Variants in DMD observed in about 807,000 individuals in gnomAD.
DMD encodes dystrophin, also known as mutant dystrophin.
Under a neutral mutation model 330.1 loss-of-function variants are expected in DMD, and 63 were observed. That is an observed-to-expected ratio of 0.19 (90% CI 0.16 to 0.24). The LOEUF (loss-of-function observed/expected upper bound fraction) is 0.24. DMD is among the 10% of genes least tolerant of loss of function. The pLI is 1.00. For missense variants in DMD, 3,344 were observed against 2,684.1 expected (o/e 1.25, Z -5.43); for synonymous variants, 1,223 against 959.8 (o/e 1.27, Z -5.07).
At chrX:31,938,506 T>C (rs2094952261) in intron 45 of DMD, among the ~76,000 whole-genome samples, 1 of 112,016 alleles carries the variant, frequency 8.9e-6, no homozygotes, top group Non-Finnish European at 1.9e-5. Context: ...TCTTCATTCA[T>C]ATTTCATGCA....
At chrX:32,192,090 T>G (rs1481180373) in intron 44 of DMD, among the ~76,000 whole-genome samples, 2 of 111,962 alleles carry the variant, frequency 1.8e-5, no homozygotes, top group African/African-American at 6.5e-5. Flanking sequence ...AACATGCATT[T>G]TCACCTTAAA....
intron 26 of DMD, among the ~76,000 whole-genome samples, chrX:32,452,494 A>AG (rs369342677): frequency 9.2e-5 from 2 of 21,726 alleles, no homozygotes; most frequent in Non-Finnish European, 2.5e-4. Flanking sequence ...AGGAAAGGAA[A>AG]GGAAAGGAAA....
chrX:33,002,629 G>T (rs952421708), intron 2 of DMD, among the ~76,000 whole-genome samples: 1 of 110,078 alleles, frequency 9.1e-6, no homozygotes, highest in Non-Finnish European at 1.9e-5. Context: ...GACTGGGCCC[G>T]CAATCAGTCT....
intron 41 of DMD, among the ~76,000 whole-genome samples, chrX:32,314,437 A>G (rs1276690895): frequency 8.9e-6 from 1 of 111,912 alleles, no homozygotes; most frequent in East Asian, 2.8e-4. Context: ...CTGAAACCAT[A>G]AAAACTCTAG....
intron 34 of DMD, among the ~76,000 whole-genome samples, chrX:32,371,617 T>G (rs1258364008): frequency 1.8e-5 from 2 of 111,546 alleles, no homozygotes; most frequent in Non-Finnish European, 3.8e-5. Context: ...AAAGCTTGTA[T>G]TTCCCAAACA....
chrX:32,168,625 T>G (rs945737893), intron 44 of DMD, among the ~76,000 whole-genome samples: 2 of 110,165 alleles, frequency 1.8e-5, no homozygotes, highest in African/African-American at 6.6e-5. Context: ...AAGAAAACAC[T>G]TGGAATAATA....
At chrX:32,777,106 AC>A (rs2074230364) in intron 7 of DMD, among the ~76,000 whole-genome samples, 1 of 107,845 alleles carries the variant, frequency 9.3e-6, no homozygotes, top group Non-Finnish European at 1.9e-5. Flanking sequence ...AACACGCTCC[AC>A]AATTATCTGA....
At position 33,208,989 on chromosome X, in the gene DMD, A is replaced by C. The variant is rs771297580; in HGVS notation, c.31+2293T>G. On this transcript the variant is annotated intron_variant, in intron 1 of 78. Transcript: ENST00000357033. ...TTAAAAACTTGACAATTTGTTTCAT[A>C]TGTAGCAAATGACATGGAGTACAGG... is the stretch of plus-strand genomic sequence containing the variant. Among the ~76,000 whole-genome samples, 6 of 111,427 alleles carry C rather than the reference A, an allele frequency of 5.4e-5. No homozygotes were observed. In the South Asian group the frequency reaches 1.5e-3, roughly 28 times the overall value.
chrX:33,085,675 G>C (rs1251985641), intron 1 of DMD, among the ~76,000 whole-genome samples: 2 of 111,744 alleles, frequency 1.8e-5, no homozygotes. Context: ...CTCCTTTCAA[G>C]TCAGATTTTC....
intron 44 of DMD, among the ~76,000 whole-genome samples, chrX:32,026,534 T>C (rs2095846816): frequency 8.9e-6 from 1 of 112,589 alleles, no homozygotes; most frequent in African/African-American, 3.2e-5. Flanking sequence ...AATTGAAAAT[T>C]AATGTAGTTC....
intron 61 of DMD, among the ~76,000 whole-genome samples, chrX:31,343,954 G>C (rs1315447137): frequency 9.3e-6 from 1 of 107,286 alleles, no homozygotes; most frequent in East Asian, 2.9e-4. Context: ...TGACTTCAGA[G>C]ATGTCCTGCT....
intron 61 of DMD, among the ~76,000 whole-genome samples, chrX:31,347,363 G>C (rs2058154743): frequency 9.3e-6 from 1 of 107,898 alleles, no homozygotes; most frequent in Non-Finnish European, 2.0e-5. Context: ...CTGGATGTTT[G>C]TACCCATTAA....
chrX:31,291,401 G>A (rs1166421862), intron 62 of DMD, among the ~76,000 whole-genome samples: 2 of 111,548 alleles, frequency 1.8e-5, no homozygotes, highest in East Asian at 2.8e-4. Flanking sequence ...ATTCTATAAC[G>A]GCACATGTAT....
At chrX:32,082,608 C>A (rs905107338) in intron 44 of DMD, among the ~76,000 whole-genome samples, 1 of 111,533 alleles carries the variant, frequency 9.0e-6, no homozygotes, top group African/African-American at 3.3e-5. Context: ...CCTTTCTGAG[C>A]AAAGATGATG....
chrX:31,823,697 C>A (rs964202595), intron 49 of DMD, among the ~76,000 whole-genome samples: 5 of 110,330 alleles, frequency 4.5e-5, no homozygotes, highest in African/African-American at 1.6e-4. Flanking sequence ...ACCTCAGCCT[C>A]CTGAGTAGCT....
In DMD at chrX:32,781,125, G is replaced by GA. The variant is rs59738615; in HGVS notation, c.649+28367dup. Among the ~76,000 whole-genome samples, 249 of 57,010 alleles carry GA rather than the reference G, an allele frequency of 4.4e-3. 3 individuals carry two copies. Among genetic ancestry groups the GA allele is most frequent in the South Asian group, 0.034 (32 of 930 alleles). 49.5% of individuals were successfully genotyped at this position (57,010 alleles called of 115,157 possible). ...GGAGCGAGCCTCTGTCTCAAAAAAA[G>GA]AAAAAAAAAAAAAAAAAAGGCACTC... is the stretch of plus-strand genomic sequence containing the variant. On this transcript the variant is annotated intron_variant, in intron 7 of 78. Transcript: ENST00000357033.
At chrX:32,342,019 CTCTT>C (rs1217819262) in intron 41 of DMD, 77 bp downstream of exon 41, 3 of 833,869 alleles carry the variant, frequency 3.6e-6, no homozygotes, top group Non-Finnish European at 5.0e-6. Context: ...GATTTTTTGT[CTCTT>C]TTTTTTTTAT....
chrX:33,275,967 C>T (rs112658706), intron 1 of DMD, among the ~76,000 whole-genome samples: 1 of 111,577 alleles, frequency 9.0e-6, no homozygotes. Context: ...TGTGACTATA[C>T]AATTGTATGA....
At chrX:32,139,932 C>A (rs1301647971) in intron 44 of DMD, among the ~76,000 whole-genome samples, 1 of 112,267 alleles carries the variant, frequency 8.9e-6, no homozygotes, top group Non-Finnish European at 1.9e-5. Flanking sequence ...TATTTTTATA[C>A]AAGAAACGGA....
Sources: allele counts gnomAD v4.1 joint callset (sites outside exome capture counted in the v4.1 genomes callset), GRCh38; gene constraint gnomAD v4.1.1; transcripts MANE v1.5; gene names NCBI Gene and HGNC (gene_info 2026-07-23, HGNC 2026-07-21).